Variants in PAPSS2 observed in about 807,000 individuals in gnomAD.
PAPSS2 encodes bifunctional 3'-phosphoadenosine 5'-phosphosulfate synthase 2.
In PAPSS2, 61 loss-of-function variants were observed where a neutral mutation model predicts 66.5. That is an observed-to-expected ratio of 0.92 (90% CI 0.75 to 1.14). The LOEUF (loss-of-function observed/expected upper bound fraction) is 1.14. Among genes scored for constraint, PAPSS2 ranks in the 50% most tolerant of loss-of-function variants. The probability of loss-of-function intolerance (pLI) is 0.00; values close to 1 mark genes in which losing one functional copy is unlikely to be tolerated. For missense variants in PAPSS2, 708 were observed against 789.6 expected (o/e 0.90, Z 1.24); for synonymous variants, 289 against 287.5 (o/e 1.01, Z -0.05).
intron 1 of PAPSS2, among the ~76,000 whole-genome samples, chr10:87,706,108 A>ATATATATATGTGTGTGTGTGTG: frequency 1.9e-4 from 10 of 52,020 alleles, no homozygotes; most frequent in South Asian, 1.4e-3. Flanking sequence ...ATATATATAT[A>ATATATATATGTGTGTGTGTGTG]TGTGTGTGTG....
intron 1 of PAPSS2, among the ~76,000 whole-genome samples, chr10:87,679,513 T>A (rs969343279): frequency 1.2e-4 from 19 of 152,212 alleles, no homozygotes; most frequent in African/African-American, 3.9e-4. Flanking sequence ...TCATTACACA[T>A]TCTATGCATG....
At chr10:87,717,651 C>T (rs1277447565) in intron 7 of PAPSS2, among the ~76,000 whole-genome samples, 1 of 152,080 alleles carries the variant, frequency 6.6e-6, no homozygotes, top group Non-Finnish European at 1.5e-5. Flanking sequence ...AAGCCTTGAA[C>T]TCCTGAATTC....
chr10:87,674,653 TAAGATCTATAAA>T (rs1273699726), intron 1 of PAPSS2, among the ~76,000 whole-genome samples: 6 of 152,148 alleles, frequency 3.9e-5, no homozygotes, highest in Admixed American at 3.9e-4. Flanking sequence ...ACTAGAAAAT[TAAGATCTATAAA>T]AAGATCTATA....
intron 1 of PAPSS2, among the ~76,000 whole-genome samples, chr10:87,667,757 A>G (rs1852831432): frequency 6.6e-6 from 1 of 152,236 alleles, no homozygotes; most frequent in Admixed American, 6.5e-5. Flanking sequence ...TTTGGCAATA[A>G]ATGCATATAG....
At chr10:87,692,489 G>A (rs890989414) in intron 1 of PAPSS2, among the ~76,000 whole-genome samples, 16 of 152,156 alleles carry the variant, frequency 1.1e-4, no homozygotes, top group South Asian at 2.1e-4. Context: ...ATGGAAGAGC[G>A]ATGAGAAGAC....
chr10:87,712,949 CT>C, intron 2 of PAPSS2, 125 bp from the exon 3 acceptor site: 1 of 676,370 alleles, frequency 1.5e-6, no homozygotes, highest in South Asian at 1.7e-5. Flanking sequence ...GTCAACTACA[CT>C]GATTTCTTTC....
intron 4 of PAPSS2, 52 bp downstream of exon 4, chr10:87,714,234 A>C (rs1201291608): frequency 1.3e-6 from 2 of 1,586,456 alleles, no homozygotes; most frequent in East Asian, 2.2e-5. Flanking sequence ...GTCAGTCCTC[A>C]GTCCTTATTC....
intron 1 of PAPSS2, among the ~76,000 whole-genome samples, chr10:87,695,390 G>A (rs56143158): frequency 0.011 from 1,611 of 152,226 alleles, 26 homozygotes; most frequent in African/African-American, 0.037. Flanking sequence ...TTTCACAAGC[G>A]AATATAAAGG....
At chr10:87,729,356 TATG>T (rs1853700740) in intron 9 of PAPSS2, among the ~76,000 whole-genome samples, 1 of 152,156 alleles carries the variant, frequency 6.6e-6, no homozygotes, top group Non-Finnish European at 1.5e-5. Flanking sequence ...TGGTGATTCT[TATG>T]ATATTTTAGA....
At chr10:87,660,329 T>G in intron 1 of PAPSS2, 2 of 523,612 alleles carry the variant, frequency 3.8e-6, no homozygotes, top group African/African-American at 1.9e-5. Context: ...TCCCCTTTCT[T>G]TCCCAAGAGC....
chr10:87,730,276 C>A (rs1042903372), intron 9 of PAPSS2, among the ~76,000 whole-genome samples: 1 of 152,018 alleles, frequency 6.6e-6, no homozygotes, highest in Non-Finnish European at 1.5e-5. Context: ...CTCCTTACCC[C>A]GATGGGGTAG....
chr10:87,741,130 G>GCCTT, intron 9 of PAPSS2, 105 bp from the exon 10 acceptor site: 4 of 1,112,638 alleles, frequency 3.6e-6, no homozygotes, highest in Non-Finnish European at 5.5e-6. Flanking sequence ...AGAACTGAAG[G>GCCTT]CAGTTCTTTA....
At chr10:87,708,735 A>G (rs1476504972) in intron 1 of PAPSS2, among the ~76,000 whole-genome samples, 2 of 152,260 alleles carry the variant, frequency 1.3e-5, no homozygotes, top group Non-Finnish European at 2.9e-5. Flanking sequence ...TTGTTTCTAA[A>G]TTAATAGAAT....
intron 9 of PAPSS2, among the ~76,000 whole-genome samples, chr10:87,739,838 A>C (rs1466297636): frequency 6.6e-6 from 1 of 152,216 alleles, no homozygotes. Flanking sequence ...TTCACCTAAG[A>C]GTGTTCTTGA....
At chr10:87,665,458 G>A (rs375293859) in intron 1 of PAPSS2, among the ~76,000 whole-genome samples, 9 of 152,262 alleles carry the variant, frequency 5.9e-5, no homozygotes, top group Middle Eastern at 3.4e-3. Flanking sequence ...TGATCTGCCC[G>A]CCTCGGCCTC....
chr10:87,673,689 C>CTTTTTT (rs34935261), intron 1 of PAPSS2, among the ~76,000 whole-genome samples: 7 of 67,416 alleles, frequency 1.0e-4, no homozygotes, highest in Non-Finnish European at 1.4e-4. Context: ...TTTTGGCTTA[C>CTTTTTT]TTTTTTTTTT....
At chr10:87,727,612 T>G (rs1714941405) in intron 9 of PAPSS2, 123 bp downstream of exon 9, 4 of 851,110 alleles carry the variant, frequency 4.7e-6, no homozygotes. Flanking sequence ...AATGTATTTC[T>G]AAGGTAGTGT....
chr10:87,682,182 CT>C (rs1297324622), intron 1 of PAPSS2, among the ~76,000 whole-genome samples: 1 of 152,204 alleles, frequency 6.6e-6, no homozygotes, highest in Non-Finnish European at 1.5e-5. Context: ...GAAAGGAGAT[CT>C]CTGACATTTA....
chr10:87,677,276 A>G (rs887975966), intron 1 of PAPSS2, among the ~76,000 whole-genome samples: 6 of 152,336 alleles, frequency 3.9e-5, no homozygotes, highest in South Asian at 2.1e-4. Flanking sequence ...GCCAATGGCA[A>G]TTCTTTTTTT....
Sources: gnomAD v4.1 joint callset for allele counts (sites outside exome capture counted in the v4.1 genomes callset) on GRCh38, gnomAD v4.1.1 for gene constraint, MANE v1.5 for transcripts, NCBI Gene and HGNC (gene_info 2026-07-23, HGNC 2026-07-21) for gene names.